ASPRV1: variants seen among roughly 807,000 people sequenced by gnomAD.
ASPRV1 encodes aspartic peptidase retroviral like 1, also known as retroviral-like aspartic protease 1.
In ASPRV1, 7 loss-of-function variants were observed where a neutral mutation model predicts 11.0. That is an observed-to-expected ratio of 0.64 (90% CI 0.36 to 1.20). ASPRV1 has a LOEUF of 1.20. ASPRV1 is among the 50% of genes most tolerant of loss of function. The pLI, the probability that ASPRV1 is intolerant of heterozygous loss-of-function variation, is 0.02. For synonymous variants in ASPRV1, 136 were observed against 138.4 expected (o/e 0.98, Z 0.12); for missense variants, 299 against 320.0 (o/e 0.93, Z 0.50).
At chr2:69,951,349 G>A in the ASPRV1 span, among the ~76,000 whole-genome samples, 17 of 150,528 alleles carry the variant, frequency 1.1e-4, no homozygotes, top group African/African-American at 3.9e-4. Flanking sequence ...ACTTGAACCC[G>A]GGAGGCGGAG....
the ASPRV1 span, among the ~76,000 whole-genome samples, chr2:69,943,601 G>A: frequency 6.6e-6 from 1 of 152,284 alleles, no homozygotes; most frequent in Admixed American, 6.5e-5. Flanking sequence ...GAGGATGTCC[G>A]TTCCTTTACA....
chr2:70,085,450 G>A, the ASPRV1 span: 1 of 152,192 alleles, frequency 6.6e-6, no homozygotes, highest in Non-Finnish European at 1.5e-5. Flanking sequence ...AAGATTACCT[G>A]AAGGGCTCAT....
chr2:70,016,587 C>A, the ASPRV1 span, among the ~76,000 whole-genome samples: 27 of 152,158 alleles, frequency 1.8e-4, no homozygotes, highest in African/African-American at 6.0e-4. Flanking sequence ...AGGCTCATGT[C>A]TGTAATCCCA....
At chr2:69,982,919 GTATT>G in the ASPRV1 span, among the ~76,000 whole-genome samples, 2,372 of 152,218 alleles carry the variant, frequency 0.016, 129 homozygotes, top group Admixed American at 0.094. Context: ...GGAACCCTGA[GTATT>G]TATTTATTTT....
chr2:70,033,082 TC>T, the ASPRV1 span, among the ~76,000 whole-genome samples: 1 of 152,120 alleles, frequency 6.6e-6, no homozygotes, highest in Admixed American at 6.6e-5. Context: ...CTATGAGAAG[TC>T]CAAAGGCCTT....
the ASPRV1 span, among the ~76,000 whole-genome samples, chr2:70,020,100 G>A: frequency 1.3e-3 from 191 of 151,872 alleles, 4 homozygotes; most frequent in South Asian, 0.022. Context: ...AACAAGTGTC[G>A]CAACGATATG....
At chr2:70,016,612 G>A in the ASPRV1 span, among the ~76,000 whole-genome samples, 6 of 152,062 alleles carry the variant, frequency 3.9e-5, no homozygotes, top group African/African-American at 1.2e-4. Flanking sequence ...TTTGGGAGGC[G>A]AAGGCAGGCA....
At chr2:69,968,970 C>T in the ASPRV1 span, among the ~76,000 whole-genome samples, 87 of 152,376 alleles carry the variant, frequency 5.7e-4, no homozygotes, top group African/African-American at 2.0e-3. Context: ...CGTGGGTTCC[C>T]TGCCTTTATC....
At chr2:69,994,352 T>A in the ASPRV1 span, 2 of 152,368 alleles carry the variant, frequency 1.3e-5, no homozygotes, top group Admixed American at 6.5e-5. Context: ...TCTAGTGTGT[T>A]CTATAGACTT....
the ASPRV1 span, among the ~76,000 whole-genome samples, chr2:69,984,966 C>G: frequency 6.6e-6 from 1 of 151,966 alleles, no homozygotes; most frequent in Non-Finnish European, 1.5e-5. Flanking sequence ...ACGCCATTCT[C>G]CTGCCTCAGC....
At chr2:70,056,087 T>C in the ASPRV1 span, 10 of 152,032 alleles carry the variant, frequency 6.6e-5, no homozygotes, top group African/African-American at 2.2e-4. Context: ...AATAAGCCCA[T>C]CACACACACA....
At chr2:70,058,386 G>C in the ASPRV1 span, among the ~76,000 whole-genome samples, 2 of 151,936 alleles carry the variant, frequency 1.3e-5, no homozygotes, top group African/African-American at 4.8e-5. Flanking sequence ...GGGACTACAG[G>C]CACGCGCCAC....
chr2:70,057,201 A>G, the ASPRV1 span, among the ~76,000 whole-genome samples: 1 of 152,060 alleles, frequency 6.6e-6, no homozygotes, highest in Non-Finnish European at 1.5e-5. Flanking sequence ...CACGTGTTCT[A>G]GACCAGCCTG....
chr2:69,981,322 T>C, the ASPRV1 span, among the ~76,000 whole-genome samples: 24,097 of 152,110 alleles, frequency 0.16, 2,979 homozygotes, highest in East Asian at 0.31. Flanking sequence ...AGTATTACAT[T>C]ATAATATTTA....
chr2:70,022,467 C>T, the ASPRV1 span, among the ~76,000 whole-genome samples: 3 of 151,810 alleles, frequency 2.0e-5, no homozygotes, highest in Non-Finnish European at 4.4e-5. Context: ...AGGAGGATCA[C>T]TTGAGTCTGG....
At chr2:70,073,262 G>T in the ASPRV1 span, 1 of 152,012 alleles carries the variant, frequency 6.6e-6, no homozygotes, top group Non-Finnish European at 1.5e-5. Flanking sequence ...TACTTCAAAG[G>T]CTCTTTTCAG....
the ASPRV1 span, among the ~76,000 whole-genome samples, chr2:70,001,167 A>T: frequency 9.8e-5 from 14 of 142,136 alleles, no homozygotes; most frequent in African/African-American, 3.6e-4. Flanking sequence ...TTTTTAAATT[A>T]AAAAAAAAAA....
chr2:70,020,140 T>G, the ASPRV1 span, among the ~76,000 whole-genome samples: 1 of 152,176 alleles, frequency 6.6e-6, no homozygotes, highest in African/African-American at 2.4e-5. Context: ...GTAGAGTTAC[T>G]GGGAATGCAA....
chr2:69,947,376 G>T, the ASPRV1 span, among the ~76,000 whole-genome samples: 1 of 152,132 alleles, frequency 6.6e-6, no homozygotes, highest in Non-Finnish European at 1.5e-5. Flanking sequence ...AAACAGGTGT[G>T]TTTACCTCAG....
Sources: allele counts gnomAD v4.1 joint callset (sites outside exome capture counted in the v4.1 genomes callset), GRCh38; gene constraint gnomAD v4.1.1; transcripts MANE v1.5; gene names NCBI Gene and HGNC (gene_info 2026-07-23, HGNC 2026-07-21).